Variants in FBXL7 observed in about 807,000 individuals in gnomAD.
The protein encoded by FBXL7 is F-box/LRR-repeat protein 7.
Under a neutral mutation model 38.3 loss-of-function variants are expected in FBXL7, and 12 were observed. That is an observed-to-expected ratio of 0.31 (90% confidence interval 0.20 to 0.51). FBXL7 has a LOEUF of 0.51. FBXL7 is among the 20% of genes least tolerant of loss of function. FBXL7 has a pLI of 0.98. For missense variants in FBXL7, 567 were observed against 676.4 expected, an observed-to-expected ratio of 0.84 and a Z score of 1.79; for synonymous variants, 297 against 300.9, an observed-to-expected ratio of 0.99 and a Z score of 0.13.
intron 1 of FBXL7, among the ~76,000 whole-genome samples, chr5:15,511,125 G>A (rs1285225629): frequency 6.6e-6 from 1 of 152,202 alleles, no homozygotes; most frequent in African/African-American, 2.4e-5. Flanking sequence ...CCAAATGACA[G>A]TTTTATGGGC....
At chr5:15,753,506 T>G (rs1464053325) in intron 2 of FBXL7, among the ~76,000 whole-genome samples, 4 of 152,192 alleles carry the variant, frequency 2.6e-5, no homozygotes, top group Non-Finnish European at 5.9e-5. Flanking sequence ...TGAAAATTTC[T>G]TGTGATTTTT....
At chr5:15,864,951 G>A (rs1438786727) in intron 2 of FBXL7, among the ~76,000 whole-genome samples, 1 of 152,184 alleles carries the variant, frequency 6.6e-6, no homozygotes, top group Non-Finnish European at 1.5e-5. Flanking sequence ...TCTTCCTTTA[G>A]GCTGGCTAAA....
At chr5:15,848,843 G>A (rs1739005954) in intron 2 of FBXL7, among the ~76,000 whole-genome samples, 2 of 152,154 alleles carry the variant, frequency 1.3e-5, no homozygotes, top group Non-Finnish European at 2.9e-5. Context: ...AAACTTTAGG[G>A]GCCTCAATTA....
At chr5:15,824,910 G>A (rs1738270017) in intron 2 of FBXL7, among the ~76,000 whole-genome samples, 1 of 152,192 alleles carries the variant, frequency 6.6e-6, no homozygotes, top group South Asian at 2.1e-4. Context: ...CCAAGATTCT[G>A]AGAAGCTAGA....
chr5:15,741,264 C>T (rs1735886493), intron 2 of FBXL7, among the ~76,000 whole-genome samples: 1 of 152,186 alleles, frequency 6.6e-6, no homozygotes, highest in South Asian at 2.1e-4. Context: ...GTCACATAGA[C>T]ACACTTTAAG....
intron 2 of FBXL7, among the ~76,000 whole-genome samples, chr5:15,634,964 C>G (rs901194987): frequency 3.3e-5 from 5 of 152,088 alleles, no homozygotes; most frequent in African/African-American, 9.7e-5. Context: ...TCTTGAATCA[C>G]ATCTGCAAGT....
At chr5:15,811,050 T>C (rs528745823) in intron 2 of FBXL7, among the ~76,000 whole-genome samples, 8 of 152,164 alleles carry the variant, frequency 5.3e-5, no homozygotes, top group Non-Finnish European at 1.0e-4. Context: ...CTCACAAGCC[T>C]ATGAGAAATT....
At chr5:15,541,451 A>ATATATATATATATG (rs1462847373) in intron 1 of FBXL7, among the ~76,000 whole-genome samples, 1 of 107,680 alleles carries the variant, frequency 9.3e-6, no homozygotes. Flanking sequence ...GTGTATATAT[A>ATATATATATATATG]TATATATATA....
intron 2 of FBXL7, among the ~76,000 whole-genome samples, chr5:15,800,311 G>T (rs1173995496): frequency 6.6e-6 from 1 of 152,196 alleles, no homozygotes; most frequent in African/African-American, 2.4e-5. Flanking sequence ...GTTACATGAT[G>T]AAGGGAGACA....
At chr5:15,875,565 CA>C (rs1561167045) in intron 2 of FBXL7, among the ~76,000 whole-genome samples, 1 of 151,920 alleles carries the variant, frequency 6.6e-6, no homozygotes, top group Admixed American at 6.6e-5. Flanking sequence ...AAGAAAAAAA[CA>C]AAAAACCCCA....
intron 1 of FBXL7, among the ~76,000 whole-genome samples, chr5:15,555,223 C>T (rs1738195944): frequency 6.6e-6 from 1 of 152,122 alleles, no homozygotes; most frequent in Non-Finnish European, 1.5e-5. Flanking sequence ...GACACACACA[C>T]CCCCCACAGA....
At chr5:15,898,245 A>C (rs1049239805) in intron 2 of FBXL7, among the ~76,000 whole-genome samples, 1 of 152,178 alleles carries the variant, frequency 6.6e-6, no homozygotes, top group Non-Finnish European at 1.5e-5. Context: ...GCCAGCAACT[A>C]TCCATCAGCT....
intron 2 of FBXL7, among the ~76,000 whole-genome samples, chr5:15,824,411 C>G (rs1356048412): frequency 6.6e-6 from 1 of 152,056 alleles, no homozygotes; most frequent in Admixed American, 6.5e-5. Context: ...GTGTACTCCT[C>G]GGCACTTCCC....
intron 2 of FBXL7, among the ~76,000 whole-genome samples, chr5:15,624,874 T>TG (rs1286073005): frequency 6.6e-6 from 1 of 151,976 alleles, no homozygotes; most frequent in Non-Finnish European, 1.5e-5. Flanking sequence ...TGTTTGTTTT[T>TG]TTTTTTTTTT....
intron 2 of FBXL7, among the ~76,000 whole-genome samples, chr5:15,672,563 T>C (rs1051458287): frequency 1.3e-5 from 2 of 150,840 alleles, no homozygotes; most frequent in Non-Finnish European, 3.0e-5. Flanking sequence ...TTTTCTTTTT[T>C]TTTTTTTTTT....
At chr5:15,543,656 A>G (rs1425473046) in intron 1 of FBXL7, among the ~76,000 whole-genome samples, 1 of 152,182 alleles carries the variant, frequency 6.6e-6, no homozygotes, top group Admixed American at 6.5e-5. Flanking sequence ...GATGAATGGG[A>G]ATTTGACAAG....
chr5:15,547,633 G>A (rs1402361387), intron 1 of FBXL7, among the ~76,000 whole-genome samples: 1 of 152,160 alleles, frequency 6.6e-6, no homozygotes, highest in Non-Finnish European at 1.5e-5. Flanking sequence ...CACTTCCACT[G>A]CTGCTCAGGG....
chr5:15,702,619 T>TA (rs1743564425), intron 2 of FBXL7, among the ~76,000 whole-genome samples: 1 of 152,168 alleles, frequency 6.6e-6, no homozygotes, highest in African/African-American at 2.4e-5. Context: ...TTTAAAAAAA[T>TA]AAAATTACCT....
intron 2 of FBXL7, among the ~76,000 whole-genome samples, chr5:15,794,852 C>T (rs1389677410): frequency 6.6e-6 from 1 of 152,122 alleles, no homozygotes; most frequent in African/African-American, 2.4e-5. Flanking sequence ...AAAAAAACAA[C>T]ACAAAAGGTT....
Sources: gnomAD v4.1 joint callset for allele counts (sites outside exome capture counted in the v4.1 genomes callset) on GRCh38, gnomAD v4.1.1 for gene constraint, MANE v1.5 for transcripts, NCBI Gene and HGNC (gene_info 2026-07-23, HGNC 2026-07-21) for gene names.